The following KALRN variants were observed in gnomAD, a reference collection of about 807,000 sequenced individuals.
KALRN encodes the protein kalirin RhoGEF kinase.
A neutral mutation model predicts 353.7 loss-of-function variants in KALRN; 70 were observed. That is an observed-to-expected ratio of 0.20 (90% CI 0.16 to 0.24). The LOEUF is 0.24. Ranked by LOEUF, KALRN falls within the 10% of genes least tolerant of loss-of-function variation. The pLI is 1.00. For missense variants in KALRN, 2,791 were observed against 3,756.7 expected, an observed-to-expected ratio of 0.74 and a Z score of 6.72; for synonymous variants, 1,391 against 1,434.8, an observed-to-expected ratio of 0.97 and a Z score of 0.69.
At chr3:124,515,320 C>T (rs771456134) in intron 33 of KALRN, among the ~76,000 whole-genome samples, 6 of 152,126 alleles carry the variant, frequency 3.9e-5, no homozygotes, top group Admixed American at 6.5e-5. Context: ...AGCATACCCT[C>T]CCCTCATAAA....
chr3:124,329,397 G>A (rs148852482), intron 7 of KALRN, among the ~76,000 whole-genome samples: 2 of 152,298 alleles, frequency 1.3e-5, no homozygotes, highest in Admixed American at 6.5e-5. Flanking sequence ...GGTGGTCTGT[G>A]TGAGGTGTTT....
chr3:124,124,000 C>T (rs1410634913), intron 1 of KALRN, among the ~76,000 whole-genome samples: 4 of 152,214 alleles, frequency 2.6e-5, no homozygotes, highest in Non-Finnish European at 5.9e-5. Context: ...ACACAACATC[C>T]TTTCTGTAGT....
In KALRN at chr3:124,421,092, C is replaced by T. The variant is rs111351939; in HGVS notation, c.2543-1720C>T. On this transcript the variant is annotated intron_variant, in intron 14 of 59. Transcript: ENST00000682506. Reference sequence around the variant, plus strand: ...AAAAGTGTCAGCATCAGGACCAAACCTGCATTGGGTCTAGATTGTTGGATG... The same window carrying T: ...AAAAGTGTCAGCATCAGGACCAAACTTGCATTGGGTCTAGATTGTTGGATG... Among the ~76,000 whole-genome samples, 361 of 152,254 alleles carry T rather than the reference C, an allele frequency of 2.4e-3. 1 individual carries two copies. Among genetic ancestry groups the T allele is most frequent in the African/African-American group, 8.5e-3 (352 of 41,546 alleles).
At chr3:124,626,963 C>T (rs2080029085) in intron 34 of KALRN, among the ~76,000 whole-genome samples, 1 of 152,144 alleles carries the variant, frequency 6.6e-6, no homozygotes, top group Non-Finnish European at 1.5e-5. Context: ...ATAACACCTG[C>T]CTGGACTTGG....
chr3:124,283,155 G>A (rs2075517485), intron 5 of KALRN, among the ~76,000 whole-genome samples: 1 of 152,238 alleles, frequency 6.6e-6, no homozygotes, highest in Non-Finnish European at 1.5e-5. Context: ...ATTTTAGGAT[G>A]TGTGGGAGGA....
At chr3:124,425,757 T>C (rs1467383927) in intron 15 of KALRN, among the ~76,000 whole-genome samples, 4 of 152,230 alleles carry the variant, frequency 2.6e-5, no homozygotes, top group African/African-American at 9.6e-5. Flanking sequence ...TTCGCCGATA[T>C]TAAAATAGAA....
chr3:124,256,223 G>A lies in KALRN; in HGVS notation c.264-8275G>A, dbSNP rs140299915. Among the ~76,000 whole-genome samples the A allele has an allele frequency of 2.6e-3, 392 of 152,338 alleles. 1 individual carries two copies. The highest frequency in any genetic ancestry group is 8.9e-3 in the African/African-American group (371 of 41,568). ...TGTCTCCCTAAGGCCAAACTGTAAT[G>A]TAGGACAAAGCTTGGCCTGGGGTTG... is the stretch of plus-strand genomic sequence containing the variant. On this transcript the variant is annotated intron_variant, in intron 3 of 59. Transcript: ENST00000682506.
chr3:124,411,441 T>G (rs1003450579), intron 13 of KALRN, among the ~76,000 whole-genome samples: 13 of 121,470 alleles, frequency 1.1e-4, no homozygotes, highest in Non-Finnish European at 6.5e-5. Context: ...TGCTTTTTTT[T>G]TTTTTTTTTT....
At chr3:124,360,338 A>G (rs1415466955) in intron 10 of KALRN, among the ~76,000 whole-genome samples, 1 of 152,212 alleles carries the variant, frequency 6.6e-6, no homozygotes, top group Non-Finnish European at 1.5e-5. Flanking sequence ...GAGATGTGCG[A>G]TTCCATTTGG....
intron 1 of KALRN, among the ~76,000 whole-genome samples, chr3:124,133,952 G>C (rs560161255): frequency 6.6e-5 from 10 of 152,224 alleles, no homozygotes; most frequent in African/African-American, 2.2e-4. Flanking sequence ...TGACCATACT[G>C]CCAAAAGCAA....
intron 1 of KALRN, among the ~76,000 whole-genome samples, chr3:124,209,061 C>G (rs2076676551): frequency 6.6e-6 from 1 of 152,086 alleles, no homozygotes; most frequent in Non-Finnish European, 1.5e-5. Context: ...CTTCAACAGT[C>G]ATGGCTATAA....
intron 5 of KALRN, among the ~76,000 whole-genome samples, chr3:124,273,819 C>T (rs1296376836): frequency 2.6e-4 from 39 of 152,206 alleles, no homozygotes; most frequent in Admixed American, 2.4e-3. Context: ...CTCAGCCGGG[C>T]GCCCTCTGGT....
intron 1 of KALRN, among the ~76,000 whole-genome samples, chr3:124,103,514 A>T (rs1177781742): frequency 1.3e-5 from 2 of 152,180 alleles, no homozygotes; most frequent in Non-Finnish European, 2.9e-5. Flanking sequence ...TATCAAAGAA[A>T]ACACCAAAGC....
chr3:124,493,515 C>A, intron 32 of KALRN, among the ~76,000 whole-genome samples: 1 of 152,176 alleles, frequency 6.6e-6, no homozygotes, highest in Non-Finnish European at 1.5e-5. Context: ...CCTACACTTA[C>A]AATGACTCTT....
At chr3:124,686,531 A>G (rs1282462804) in intron 51 of KALRN, among the ~76,000 whole-genome samples, 1 of 152,134 alleles carries the variant, frequency 6.6e-6, no homozygotes, top group Non-Finnish European at 1.5e-5. Context: ...GAGAGCATGA[A>G]CAAAAGCCCT....
At chr3:124,556,916 A>C (rs568659444) in intron 33 of KALRN, among the ~76,000 whole-genome samples, 1 of 152,336 alleles carries the variant, frequency 6.6e-6, no homozygotes, top group African/African-American at 2.4e-5. Flanking sequence ...AGTTATATAT[A>C]CAACTGTACG....
At position 124,334,173 on chromosome 3, in the gene KALRN, A is replaced by G; in HGVS notation, c.1417-92A>G. The stretch of plus-strand genomic sequence containing the variant: ...AATGCCTGAGATTCTCAGAAGGCCT[A>G]GTCAGGGACCCTCAGGCAGACACTT... On this transcript the variant is annotated intron_variant, in intron 8 of 59. Coordinates refer to ENST00000682506, the MANE Select transcript of KALRN (RefSeq NM_001388419.1). The surrounding 1 kb of genome is among the most constrained non-coding windows in gnomAD (Gnocchi z 4.2). 1 of 1,072,568 alleles carries G rather than the reference A, an allele frequency of 9.3e-7. No homozygotes were observed. Among genetic ancestry groups the G allele is most frequent in the Non-Finnish European group, 1.4e-6 (1 of 704,380 alleles). The allele number at this position is 1,072,568 out of a possible 1,614,324, so 66.4% of individuals were successfully genotyped here.
intron 6 of KALRN, 65 bp downstream of exon 6, chr3:124,298,978 G>T: frequency 6.2e-7 from 1 of 1,601,280 alleles, no homozygotes; most frequent in Non-Finnish European, 8.6e-7. Context: ...AGTGGGAGGA[G>T]GGACAGAAAC....
At chr3:124,620,399 C>T (rs947159870) in intron 34 of KALRN, among the ~76,000 whole-genome samples, 6 of 152,300 alleles carry the variant, frequency 3.9e-5, no homozygotes, top group East Asian at 1.9e-4. Context: ...CCACCACTCC[C>T]GGCCTTGGTG....
Sources: gnomAD v4.1 joint callset for allele counts (sites outside exome capture counted in the v4.1 genomes callset) on GRCh38, gnomAD v4.1.1 for gene constraint, Gnocchi (gnomAD v3.1) non-coding constraint, MANE v1.5 for transcripts, NCBI Gene and HGNC (gene_info 2026-07-23, HGNC 2026-07-21) for gene names.